Variants in ANKRD2 observed in about 807,000 individuals in gnomAD.
ANKRD2 encodes the protein ankyrin repeat domain-containing protein 2.
ANKRD2 carries 35 observed loss-of-function variants against 37.3 expected under a neutral mutation model. The ratio of observed to expected loss-of-function variants is 0.94; its 90% CI spans 0.72 to 1.24. ANKRD2 has a LOEUF of 1.24. Ranked by LOEUF, ANKRD2 falls within the 50% of genes most tolerant of loss-of-function variation. The pLI, the probability that ANKRD2 is intolerant of heterozygous loss-of-function variation, is 0.00. For missense variants in ANKRD2, 410 were observed against 445.6 expected (o/e 0.92, Z 0.72); for synonymous variants, 159 against 186.5 (o/e 0.85, Z 1.20).
At chr10:97,583,501 C>T (rs1168437781) in intron 8 of ANKRD2, 75 bp from the exon 9 acceptor site, 9 of 1,389,824 alleles carry the variant, frequency 6.5e-6, no homozygotes, top group Non-Finnish European at 8.7e-6. Context: ...AATGAGGGTA[C>T]CTTCTGTGAA....
At position 97,578,285 on chromosome 10, in the gene ANKRD2, A is replaced by G. The variant is rs750220686; in HGVS notation, c.235A>G (p.Ile79Val). ...GACGTCCCTGGACCTGCGGCGGGAG[A>G]TCATCGATGTGGGCGGGATCCAGAA... The part of the protein sequence containing the change: ...RKTSLDLRRE[I>V]IDVGGIQNLI... Residue 79 changes from isoleucine (I) to valine (V), a missense_variant, in exon 3 of 9, where the codon ATC (isoleucine) becomes GTC (valine). Ile to Val is a conservative substitution (Grantham distance 29). Transcript: ENST00000370655. 3 of 1,612,738 alleles carry G rather than the reference A, an allele frequency of 1.9e-6. No individual in the cohort carries two copies. The highest frequency in any genetic ancestry group is 2.2e-5 in the East Asian group (1 of 44,836).
In ANKRD2 at chr10:97,578,483, C is replaced by T; in HGVS notation, c.349-15C>T. ...TTGCTGGGACGGCCCGTGACTGCTG[C>T]GTCCACATCTGCAGACTGGCCCTGT... On this transcript the variant is annotated splice_polypyrimidine_tract_variant and intron_variant, in intron 3 of 8. Transcript: ENST00000370655. 6.3e-7 allele frequency: 1 copy of T among 1,591,848 alleles called. No homozygotes were observed. Among genetic ancestry groups the T allele is most frequent in the Non-Finnish European group, 8.6e-7 (1 of 1,169,076 alleles).
chr10:97,576,917 C>G (rs1467979032), intron 1 of ANKRD2, among the ~76,000 whole-genome samples: 1 of 151,936 alleles, frequency 6.6e-6, no homozygotes, highest in South Asian at 2.1e-4. Flanking sequence ...TGGCTGGTCT[C>G]GAACTCCTGG....
intron 2 of ANKRD2, 27 bp from the exon 3 acceptor site, chr10:97,578,213 G>A (rs7918914): frequency 5.7e-6 from 9 of 1,568,906 alleles, no homozygotes; most frequent in Admixed American, 5.1e-5. Flanking sequence ...TGCCCGGCCT[G>A]GGGGGTTGAT....
At chr10:97,576,263 C>T (rs761234763) in intron 1 of ANKRD2, among the ~76,000 whole-genome samples, 5 of 152,196 alleles carry the variant, frequency 3.3e-5, no homozygotes, top group South Asian at 2.1e-4. Context: ...CCAACCTGGG[C>T]AATTGTTCCT....
chr10:97,578,101 G>T, intron 2 of ANKRD2, 139 bp from the exon 3 acceptor site: 1 of 1,184,922 alleles, frequency 8.4e-7, no homozygotes, highest in East Asian at 2.6e-5. Context: ...GGCCTGGAAG[G>T]AGGGATAGAC....
intron 1 of ANKRD2, among the ~76,000 whole-genome samples, chr10:97,573,434 A>AT (rs796452909): frequency 1.4e-3 from 200 of 145,170 alleles, no homozygotes; most frequent in East Asian, 2.4e-3. Flanking sequence ...CCTATTCTGC[A>AT]TTTTTTTTTT....
intron 6 of ANKRD2, among the ~76,000 whole-genome samples, 177 bp from the exon 7 acceptor site, chr10:97,582,138 G>A (rs532883790): frequency 2.0e-5 from 3 of 152,320 alleles, no homozygotes; most frequent in African/African-American, 4.8e-5. Flanking sequence ...AGGCTTTAGA[G>A]TTAGGCCATT....
intron 1 of ANKRD2, among the ~76,000 whole-genome samples, chr10:97,577,250 C>T (rs1315116705): frequency 6.6e-6 from 1 of 151,454 alleles, no homozygotes; most frequent in Non-Finnish European, 1.5e-5. Context: ...GAGATCCTCC[C>T]ACCTCAGCCT....
At chr10:97,578,658 T>G in intron 4 of ANKRD2, 53 bp downstream of exon 4, 1 of 1,360,686 alleles carries the variant, frequency 7.3e-7, no homozygotes, top group South Asian at 1.4e-5. Context: ...CCACCCCCAC[T>G]CCGTTCGGCT....
intron 1 of ANKRD2, among the ~76,000 whole-genome samples, chr10:97,577,450 C>CA (rs2040839359): frequency 1.3e-5 from 2 of 151,980 alleles, no homozygotes; most frequent in Non-Finnish European, 2.9e-5. Context: ...TTTTTAATGC[C>CA]AAAAAAGTAA....
At chr10:97,577,742 G>C (rs1290612552) in intron 1 of ANKRD2, 58 bp from the exon 2 acceptor site, 2 of 1,390,716 alleles carry the variant, frequency 1.4e-6, no homozygotes, top group African/African-American at 1.4e-5. Context: ...GGTGTGGTTG[G>C]GGGAGAGGCT....
intron 4 of ANKRD2, among the ~76,000 whole-genome samples, chr10:97,579,596 CT>C (rs112450717): frequency 7.0e-6 from 1 of 142,686 alleles, no homozygotes; most frequent in Non-Finnish European, 1.5e-5. Flanking sequence ...TTTTCTTTTT[CT>C]TTTTTTTTGA....
intron 4 of ANKRD2, among the ~76,000 whole-genome samples, chr10:97,579,122 T>C (rs2040865541): frequency 1.3e-5 from 2 of 151,598 alleles, no homozygotes; most frequent in Admixed American, 1.3e-4. Flanking sequence ...AAGACCAGCC[T>C]AAGCAACAGA....
intron 4 of ANKRD2, 26 bp from the exon 5 acceptor site, chr10:97,580,829 G>A (rs768272636): frequency 2.2e-5 from 35 of 1,580,576 alleles, no homozygotes; most frequent in Non-Finnish European, 2.9e-5. Context: ...CCAGAGGCCA[G>A]GCCCTGACAG....
At chr10:97,572,641 C>T, upstream of ANKRD2, 1 of 1,525,984 alleles carries the variant, frequency 6.6e-7, no homozygotes, top group Non-Finnish European at 8.8e-7. Context: ...TCCCCCTGCT[C>T]CCTGGGGCTG....
chr10:97,575,690 G>A (rs1341693643), intron 1 of ANKRD2, among the ~76,000 whole-genome samples: 1 of 152,184 alleles, frequency 6.6e-6, no homozygotes, highest in Non-Finnish European at 1.5e-5. Context: ...TGGGCGGATT[G>A]CCTGAGCTCA....
chr10:97,581,515 G>A (rs369541678), intron 6 of ANKRD2, 101 bp downstream of exon 6: 1 of 1,195,060 alleles, frequency 8.4e-7, no homozygotes, highest in African/African-American at 1.5e-5. Flanking sequence ...AAGGTAGTGA[G>A]CTAGTCTGGT....
chr10:97,574,621 C>T (rs1044882232), intron 1 of ANKRD2, among the ~76,000 whole-genome samples: 2 of 152,042 alleles, frequency 1.3e-5, no homozygotes, highest in African/African-American at 4.8e-5. Flanking sequence ...AAAAGGCTGG[C>T]CCTAGCAGGA....
Sources: gnomAD v4.1 joint callset for allele counts (sites outside exome capture counted in the v4.1 genomes callset) on GRCh38, gnomAD v4.1.1 for gene constraint, MANE v1.5 for transcripts, NCBI Gene and HGNC (gene_info 2026-07-23, HGNC 2026-07-21) for gene names.